Variants in NYAP2 observed in about 807,000 individuals in gnomAD.
NYAP2 encodes the protein neuronal tyrosine-phosphorylated phosphoinositide-3-kinase adaptor 2, also known as neuronal tyrosine-phosphorylated phosphoinositide-3-kinase adapter 2.
A neutral mutation model predicts 50.4 loss-of-function variants in NYAP2; 23 were observed. That is an observed-to-expected ratio of 0.46 (90% confidence interval 0.33 to 0.65). The LOEUF (loss-of-function observed/expected upper bound fraction) is 0.65, where lower values mean the gene tolerates loss of function less well. Among genes scored for constraint, NYAP2 ranks in the 30% least tolerant of loss-of-function variants. The pLI, the probability that NYAP2 is intolerant of heterozygous loss-of-function variation, is 0.02. For missense variants in NYAP2, 885 were observed against 861.0 expected, an observed-to-expected ratio of 1.03 and a Z score of -0.35; for synonymous variants, 394 against 365.2, an observed-to-expected ratio of 1.08 and a Z score of -0.90.
At chr2:225,404,476 C>A (rs1694908234) in intron 2 of NYAP2, among the ~76,000 whole-genome samples, 1 of 152,008 alleles carries the variant, frequency 6.6e-6, no homozygotes, top group Admixed American at 6.6e-5. Flanking sequence ...CTAGGTTCAG[C>A]ATTGGAAAAG....
intron 4 of NYAP2, among the ~76,000 whole-genome samples, chr2:225,557,737 T>C (rs1574676960): frequency 6.6e-6 from 1 of 152,282 alleles, no homozygotes; most frequent in East Asian, 1.9e-4. Context: ...TTTTGTTTTA[T>C]TTCATTTTTC....
At chr2:225,673,161 T>A in the NYAP2 span, among the ~76,000 whole-genome samples, 26 of 152,026 alleles carry the variant, frequency 1.7e-4, no homozygotes, top group Non-Finnish European at 7.4e-5. Flanking sequence ...CTCCCCCTTA[T>A]GGAACCATCG....
intron 3 of NYAP2, among the ~76,000 whole-genome samples, chr2:225,444,654 G>C (rs1689524172): frequency 6.6e-6 from 1 of 152,168 alleles, no homozygotes; most frequent in Non-Finnish European, 1.5e-5. Flanking sequence ...TCTAGAATTT[G>C]TATTGTGGCA....
chr2:225,575,774 A>G (rs1354426988), intron 4 of NYAP2, among the ~76,000 whole-genome samples: 1 of 152,180 alleles, frequency 6.6e-6, no homozygotes, highest in Non-Finnish European at 1.5e-5. Context: ...GAATTTATAG[A>G]TCAATTACTG....
intron 3 of NYAP2, among the ~76,000 whole-genome samples, chr2:225,505,866 C>T (rs750364541): frequency 1.3e-5 from 2 of 152,182 alleles, no homozygotes; most frequent in East Asian, 1.9e-4. Flanking sequence ...CCTGGTCCCA[C>T]TTATTTTCAT....
chr2:225,648,394 C>CA (rs5839117), intron 6 of NYAP2, among the ~76,000 whole-genome samples: 113,862 of 151,952 alleles, frequency 0.75, 42,874 homozygotes, highest in Middle Eastern at 0.89. Context: ...GGAAAATAGA[C>CA]GTTTTTCATG....
intron 4 of NYAP2, among the ~76,000 whole-genome samples, chr2:225,522,117 GAT>G (rs1025059548): frequency 6.6e-6 from 1 of 152,002 alleles, no homozygotes; most frequent in African/African-American, 2.4e-5. Flanking sequence ...GATCAGTGGT[GAT>G]ATCCCCTTTA....
At chr2:225,598,756 C>T (rs1470792885) in intron 5 of NYAP2, among the ~76,000 whole-genome samples, 1 of 152,166 alleles carries the variant, frequency 6.6e-6, no homozygotes, top group Non-Finnish European at 1.5e-5. Flanking sequence ...GCTTCATTGT[C>T]AATTTTCTCA....
At chr2:225,440,266 C>G (rs534918889) in intron 3 of NYAP2, among the ~76,000 whole-genome samples, 1 of 152,240 alleles carries the variant, frequency 6.6e-6, no homozygotes, top group Admixed American at 6.5e-5. Flanking sequence ...TCATAGGATG[C>G]GCTGGGTAGA....
At chr2:225,415,996 A>C (rs1695116595) in intron 3 of NYAP2, among the ~76,000 whole-genome samples, 1 of 152,124 alleles carries the variant, frequency 6.6e-6, no homozygotes, top group Admixed American at 6.6e-5. Context: ...TTCTGACCTA[A>C]TTTTGCTGTA....
intron 3 of NYAP2, among the ~76,000 whole-genome samples, chr2:225,478,926 A>T (rs1161078345): frequency 6.6e-6 from 1 of 152,222 alleles, no homozygotes. Context: ...CATGGACCAA[A>T]CACAAAAGTC....
intron 3 of NYAP2, among the ~76,000 whole-genome samples, chr2:225,511,940 G>A (rs1227037647): frequency 6.6e-6 from 1 of 152,046 alleles, no homozygotes; most frequent in African/African-American, 2.4e-5. Context: ...TATACTCAGA[G>A]GTACTTCTTA....
chr2:225,699,386 G>A, the NYAP2 span: 1 of 151,984 alleles, frequency 6.6e-6, no homozygotes, highest in East Asian at 1.9e-4. Flanking sequence ...TGTGACAATG[G>A]AAGGAACAAG....
intron 4 of NYAP2, among the ~76,000 whole-genome samples, chr2:225,544,951 A>T (rs572981597): frequency 6.6e-6 from 1 of 152,280 alleles, no homozygotes; most frequent in South Asian, 2.1e-4. Context: ...TTTTTGCTAG[A>T]CATACTATTC....
At position 225,529,731 on chromosome 2, in the gene NYAP2, G is replaced by A. The variant is rs555746585; in HGVS notation, c.523+16059G>A. Among the ~76,000 whole-genome samples the A allele has an allele frequency of 1.3e-4, 19 of 151,824 alleles. 3 individuals carry two copies. The South Asian group carries it at 3.1e-3, about 25-fold the overall frequency. On this transcript the variant is annotated intron_variant, in intron 4 of 6. Coordinates refer to ENST00000636099, the Ensembl canonical transcript of NYAP2. The stretch of plus-strand genomic sequence containing the variant: ...ATTTTTATTATTTATTTTTTGAGAC[G>A]GAGTCTCACTCTGTCGCCCAGGCTA...
chr2:225,426,558 G>A (rs948671273), intron 3 of NYAP2, among the ~76,000 whole-genome samples: 2 of 152,164 alleles, frequency 1.3e-5, no homozygotes, highest in Admixed American at 1.3e-4. Context: ...TGAATGAATA[G>A]GAAGCTAGTC....
intron 4 of NYAP2, among the ~76,000 whole-genome samples, chr2:225,563,659 T>C (rs1160353505): frequency 6.6e-6 from 1 of 152,066 alleles, no homozygotes; most frequent in East Asian, 1.9e-4. Flanking sequence ...CATTTCTTGA[T>C]ATATAGGAGG....
chr2:225,609,782 T>C (rs1332346955), intron 5 of NYAP2, among the ~76,000 whole-genome samples: 6 of 152,196 alleles, frequency 3.9e-5, no homozygotes, highest in South Asian at 2.1e-4. Flanking sequence ...AAAGTGTTAA[T>C]AGCATCATAA....
intron 6 of NYAP2, among the ~76,000 whole-genome samples, chr2:225,647,700 T>C (rs573473859): frequency 6.6e-6 from 1 of 152,132 alleles, no homozygotes; most frequent in Admixed American, 6.5e-5. Flanking sequence ...TGAATGCTTA[T>C]TAGGTGGTTC....
Sources: gnomAD v4.1 joint callset for allele counts (sites outside exome capture counted in the v4.1 genomes callset) on GRCh38, gnomAD v4.1.1 for gene constraint, MANE v1.5 for transcripts, NCBI Gene and HGNC (gene_info 2026-07-23, HGNC 2026-07-21) for gene names.